The following GPC5 variants were observed in gnomAD, a reference collection of about 807,000 sequenced individuals.
GPC5 encodes glypican-5.
GPC5 carries 47 observed loss-of-function variants against 53.9 expected under a neutral mutation model. The ratio of observed to expected loss-of-function variants is 0.87; its 90% CI spans 0.69 to 1.11. The LOEUF (loss-of-function observed/expected upper bound fraction) is 1.11, where lower values mean the gene tolerates loss of function less well. Ranked by LOEUF, GPC5 falls within the 50% of genes most tolerant of loss-of-function variation. The pLI is 0.00. For missense variants in GPC5, 748 were observed against 713.1 expected (o/e 1.05, Z -0.56); for synonymous variants, 286 against 263.3 (o/e 1.09, Z -0.84).
Position 92,327,267 on chromosome 13 carries a change from C to T in GPC5, c.1561+182278C>T, listed in dbSNP as rs149534423. On this transcript the variant is annotated intron_variant, in intron 7 of 7. Coordinates refer to ENST00000377067, the MANE Select transcript of GPC5 (RefSeq NM_004466.6). ...ATGTCCTTGCTTAATTCAAACTTGC[C>T]GCTATACTCTCAGAGCAGCCCAATT... Among the ~76,000 whole-genome samples the T allele has an allele frequency of 2.0e-5, 3 of 152,220 alleles. No homozygotes were observed. In the East Asian group the frequency reaches 5.8e-4, roughly 29 times the overall value.
In GPC5 at chr13:91,967,178, C is replaced by T. The variant is rs116791464; in HGVS notation, c.1401+59121C>T. Among the ~76,000 whole-genome samples the T allele has an allele frequency of 6.5e-3, 992 of 152,142 alleles. 9 individuals are homozygous for T. Among genetic ancestry groups the T allele is most frequent in the African/African-American group, 0.023 (952 of 41,516 alleles). ...AGAGAGAACCAAGTGAAAGGGGTTT[C>T]CCTTTATAAAACCATCAGATCTGGT... On this transcript the variant is annotated intron_variant, in intron 6 of 7. Transcript: ENST00000377067.
At chr13:92,347,426 T>C (rs970667125) in intron 7 of GPC5, among the ~76,000 whole-genome samples, 3 of 152,072 alleles carry the variant, frequency 2.0e-5, no homozygotes, top group African/African-American at 7.2e-5. Context: ...CCAAAAATAC[T>C]TTAATCAGAA....
intron 6 of GPC5, among the ~76,000 whole-genome samples, chr13:92,074,969 C>T (rs1280491893): frequency 2.0e-5 from 3 of 152,012 alleles, no homozygotes; most frequent in Non-Finnish European, 2.9e-5. Flanking sequence ...TTTATTTTTG[C>T]TTTGTATTGT....
chr13:91,816,153 T>A (rs1380893687), intron 5 of GPC5, among the ~76,000 whole-genome samples: 3 of 152,168 alleles, frequency 2.0e-5, no homozygotes, highest in Non-Finnish European at 4.4e-5. Flanking sequence ...ATTTACTGTG[T>A]GTAATTTATT....
At chr13:92,009,252 T>TTGTGTGTGTGTG (rs2040638176) in intron 6 of GPC5, among the ~76,000 whole-genome samples, 1 of 51,132 alleles carries the variant, frequency 2.0e-5, no homozygotes, top group South Asian at 1.2e-3. Flanking sequence ...TGCTGGATTT[T>TTGTGTGTGTGTG]CGTGTGTGTG....
chr13:91,441,526 C>T (rs1880425789), intron 1 of GPC5, among the ~76,000 whole-genome samples: 1 of 152,136 alleles, frequency 6.6e-6, no homozygotes, highest in Admixed American at 6.5e-5. Flanking sequence ...GAATCTTGCA[C>T]CTTTGTACCA....
intron 5 of GPC5, among the ~76,000 whole-genome samples, chr13:91,852,141 C>T (rs958243478): frequency 3.9e-5 from 6 of 152,124 alleles, no homozygotes; most frequent in Admixed American, 1.3e-4. Context: ...AACCTTAGCT[C>T]ACTGTGACAT....
At chr13:92,474,237 A>C (rs1439891351) in intron 7 of GPC5, among the ~76,000 whole-genome samples, 1 of 151,666 alleles carries the variant, frequency 6.6e-6, no homozygotes, top group African/African-American at 2.4e-5. Context: ...CACCATTTAT[A>C]TTGACCATGG....
At chr13:91,672,894 A>C (rs761197920) in intron 2 of GPC5, among the ~76,000 whole-genome samples, 7 of 152,218 alleles carry the variant, frequency 4.6e-5, no homozygotes, top group Non-Finnish European at 7.3e-5. Context: ...ATGGAATACT[A>C]TTCAGTCATA....
At chr13:91,515,716 A>C (rs1212563722) in intron 2 of GPC5, among the ~76,000 whole-genome samples, 2 of 152,188 alleles carry the variant, frequency 1.3e-5, no homozygotes, top group African/African-American at 4.8e-5. Flanking sequence ...TGTTTGTACT[A>C]TGATATTCCT....
intron 7 of GPC5, among the ~76,000 whole-genome samples, chr13:92,412,764 C>T (rs1311338104): frequency 6.6e-6 from 1 of 152,130 alleles, no homozygotes; most frequent in Non-Finnish European, 1.5e-5. Flanking sequence ...AGTTAAATAA[C>T]TTAGTAATAC....
chr13:92,348,474 T>C (rs994979077), intron 7 of GPC5, among the ~76,000 whole-genome samples: 3 of 152,050 alleles, frequency 2.0e-5, no homozygotes, highest in Non-Finnish European at 4.4e-5. Flanking sequence ...TGCCATACAA[T>C]AATAGTAAGA....
intron 4 of GPC5, among the ~76,000 whole-genome samples, chr13:91,735,998 A>C (rs868275589): frequency 4.0e-5 from 6 of 151,458 alleles, no homozygotes; most frequent in South Asian, 4.1e-4. Context: ...GAGATTACAG[A>C]GAAAACACAT....
intron 6 of GPC5, among the ~76,000 whole-genome samples, chr13:92,078,302 C>T (rs551378123): frequency 1.3e-5 from 2 of 152,104 alleles, no homozygotes; most frequent in Non-Finnish European, 2.9e-5. Flanking sequence ...TTATTCTGAG[C>T]GCCATTTTAA....
chr13:91,928,160 A>G (rs960838709), intron 6 of GPC5, among the ~76,000 whole-genome samples: 6 of 152,124 alleles, frequency 3.9e-5, no homozygotes, highest in African/African-American at 1.4e-4. Context: ...TCTTAACAAG[A>G]AGAACAATAT....
intron 6 of GPC5, among the ~76,000 whole-genome samples, chr13:91,958,124 T>C (rs1218929262): frequency 6.6e-6 from 1 of 151,030 alleles, no homozygotes; most frequent in Non-Finnish European, 1.5e-5. Flanking sequence ...AACCATATAC[T>C]GCCTACAAGA....
At chr13:91,613,208 A>G (rs796200875) in intron 2 of GPC5, among the ~76,000 whole-genome samples, 7 of 152,318 alleles carry the variant, frequency 4.6e-5, no homozygotes, top group African/African-American at 1.7e-4. Context: ...CATCCCGGCA[A>G]TTTATAAAGG....
chr13:92,761,491 G>A (rs1875172952), intron 7 of GPC5, among the ~76,000 whole-genome samples: 2 of 152,018 alleles, frequency 1.3e-5, no homozygotes, highest in South Asian at 4.1e-4. Context: ...CCTATTTTCT[G>A]GTGTCTTTAA....
rs550379197 is a variant in GPC5, at chr13:91,423,730, C to T, written c.163+24521C>T. 7.2e-5 allele frequency among the ~76,000 whole-genome samples: 11 copies of T among 152,130 alleles called. No individual in the cohort carries two copies. The South Asian group carries it at 1.9e-3, about 26-fold the overall frequency. Reference sequence around the variant, plus strand: ...GGGAAAAGAGTGGATTTTAAATATTCTCACCTCAAAAAATGATAAGTATGT... The same window carrying T: ...GGGAAAAGAGTGGATTTTAAATATTTTCACCTCAAAAAATGATAAGTATGT... On this transcript the variant is annotated intron_variant, in intron 1 of 7. Transcript: ENST00000377067.
Sources: gnomAD v4.1 joint callset for allele counts (sites outside exome capture counted in the v4.1 genomes callset) on GRCh38, gnomAD v4.1.1 for gene constraint, MANE v1.5 for transcripts, NCBI Gene and HGNC (gene_info 2026-07-23, HGNC 2026-07-21) for gene names.